Variants in RAB3GAP2 observed in about 807,000 individuals in gnomAD.
The protein encoded by RAB3GAP2 is RAB3 GTPase activating non-catalytic protein subunit 2, also known as rab3 GTPase-activating protein non-catalytic subunit.
A neutral mutation model predicts 185.3 loss-of-function variants in RAB3GAP2; 87 were observed. The ratio of observed to expected loss-of-function variants is 0.47; its 90% CI spans 0.39 to 0.56. RAB3GAP2 has a LOEUF of 0.56. Ranked by LOEUF, RAB3GAP2 falls within the 20% of genes least tolerant of loss-of-function variation. RAB3GAP2 has a pLI of 0.00. For synonymous variants in RAB3GAP2, 554 were observed against 576.1 expected (o/e 0.96, Z 0.55); for missense variants, 1,492 against 1,638.2 (o/e 0.91, Z 1.54).
At position 220,232,806 on chromosome 1, in the gene RAB3GAP2, T is replaced by C. The variant is rs111859466; in HGVS notation, c.173A>G (p.Gln58Arg). 2.5e-6 allele frequency: 4 copies of C among 1,613,172 alleles called. No individual in the cohort carries two copies. The highest frequency in any genetic ancestry group is 2.5e-6 in the Non-Finnish European group (3 of 1,179,164). The change falls in exon 2 of 35, where the codon CAA becomes CGA. Residue 58 changes from glutamine to arginine, a missense_variant. Gln to Arg is a conservative substitution (Grantham distance 43). This residue lies in a region of RAB3GAP2 where 177 missense variants were observed against 160.6 expected (regional missense o/e 1.10). Transcript: ENST00000358951. ...GWGAWEENEP[Q>R]EPEEEGNTCK... is the part of the protein sequence containing the mutation. ...ATATTTGTAAAGACTTACAGGTTCT[T>C]GTGGTTCATTTTCTTCCCATGCTCC... is the stretch of plus-strand genomic sequence containing the variant.
rs75244681 is a variant in RAB3GAP2, at chr1:220,178,309, C to T, written c.2310+3948G>A. On this transcript the variant is annotated intron_variant, in intron 21 of 34. Coordinates refer to ENST00000358951, the MANE Select transcript of RAB3GAP2 (RefSeq NM_012414.4). ...TAAGAAATGTGTGATTTCTTAGACACTAAAGGGAGTTCTCCAAACTGAAAG... is the reference window on the plus strand; with the variant it reads ...TAAGAAATGTGTGATTTCTTAGACATTAAAGGGAGTTCTCCAAACTGAAAG... 9.5e-4 allele frequency among the ~76,000 whole-genome samples: 145 copies of T among 152,258 alleles called. No homozygotes were observed. In the East Asian group the frequency reaches 0.023, roughly 24 times the overall value.
In RAB3GAP2 at chr1:220,232,836, C is replaced by G. The variant is rs776342795; in HGVS notation, c.143G>C (p.Gly48Ala). The part of the protein sequence containing the change: ...PSKSTDWEDD[G>A]WGAWEENEPQ... ...TTCATTTTCTTCCCATGCTCCCCAA[C>G]CATCATCTTCCCAGTCTGTTGATTT... The change falls in exon 2 of 35, where the codon GGT (glycine) becomes GCT (alanine). Residue 48 changes from glycine (G) to alanine (A), a missense_variant. Gly to Ala is a moderately conservative substitution (Grantham distance 60). Around this residue, in one of 5 missense-constraint regions of RAB3GAP2, gnomAD observed 177 missense variants for 160.6 expected, o/e 1.10. Transcript: ENST00000358951. The G allele has an allele frequency of 6.2e-7, 1 of 1,613,882 alleles. No homozygotes were observed. Among genetic ancestry groups the G allele is most frequent in the Non-Finnish European group, 8.5e-7 (1 of 1,179,840 alleles).
intron 33 of RAB3GAP2, 87 bp downstream of exon 33, chr1:220,153,098 G>C: frequency 2.0e-6 from 2 of 984,768 alleles, no homozygotes; most frequent in South Asian, 2.6e-5. Context: ...AAGAGCAAAA[G>C]GCTTCATTGG....
At chr1:220,204,266 T>A (rs1240888664) in intron 8 of RAB3GAP2, among the ~76,000 whole-genome samples, 1 of 152,166 alleles carries the variant, frequency 6.6e-6, no homozygotes, top group Middle Eastern at 3.2e-3. Context: ...TTCTAGTAAA[T>A]GCTTTTTTAC....
intron 2 of RAB3GAP2, among the ~76,000 whole-genome samples, chr1:220,228,396 T>C (rs936372622): frequency 6.6e-5 from 10 of 152,204 alleles, no homozygotes; most frequent in African/African-American, 2.4e-4. Flanking sequence ...TGAGTAGATT[T>C]CTAATAGTCC....
At chr1:220,270,702 A>G (rs1660318610) in intron 1 of RAB3GAP2, among the ~76,000 whole-genome samples, 2 of 152,186 alleles carry the variant, frequency 1.3e-5, no homozygotes, top group South Asian at 4.1e-4. Context: ...GGATTACTGG[A>G]AGAGCTTCCC....
chr1:220,174,049 G>T (rs1464863706), intron 21 of RAB3GAP2, among the ~76,000 whole-genome samples: 1 of 135,884 alleles, frequency 7.4e-6, no homozygotes, highest in African/African-American at 2.7e-5. Flanking sequence ...GAAAAGAAAA[G>T]AACTAAAATT....
chr1:220,227,877 A>G (rs141245697), intron 2 of RAB3GAP2, among the ~76,000 whole-genome samples: 2 of 152,218 alleles, frequency 1.3e-5, no homozygotes, highest in East Asian at 1.9e-4. Flanking sequence ...TTAGTCTCCA[A>G]AGTAGCTGGG....
chr1:220,159,301 C>T, intron 29 of RAB3GAP2, 85 bp downstream of exon 29: 1 of 1,147,698 alleles, frequency 8.7e-7, no homozygotes, highest in Non-Finnish European at 1.3e-6. Context: ...TGATAAAAGG[C>T]AAAGTTCACC....
chr1:220,218,608 A>G (rs1359107683), intron 2 of RAB3GAP2, among the ~76,000 whole-genome samples: 1 of 152,042 alleles, frequency 6.6e-6, no homozygotes, highest in African/African-American at 2.4e-5. Context: ...GAGTCAGGGG[A>G]GGGATAGCAT....
chr1:220,166,299 C>G (rs1274376676), intron 26 of RAB3GAP2, among the ~76,000 whole-genome samples: 1 of 152,134 alleles, frequency 6.6e-6, no homozygotes, highest in African/African-American at 2.4e-5. Context: ...AATATATTAG[C>G]ATGAATTAGT....
At position 220,193,322 on chromosome 1, in the gene RAB3GAP2, G is replaced by T. The variant is rs1299882290; in HGVS notation, c.1188C>A (p.Asn396Lys). 1 of 1,613,944 alleles carries T rather than the reference G, an allele frequency of 6.2e-7. No individual in the cohort carries two copies. The change falls in exon 13 of 35, where the codon AAC becomes AAA. Residue 396 changes from asparagine to lysine, a missense_variant. This residue lies in a region of RAB3GAP2 where 681 missense variants were observed against 689.1 expected (regional missense o/e 0.99). Coordinates refer to ENST00000358951, the MANE Select transcript of RAB3GAP2 (RefSeq NM_012414.4). ...HGESICLSPC[N>K]TLAAVTDDFG... ...AATCATCTGTTACTGCTGCCAGTGT[G>T]TTACATGGAGACAGACATATGCTTT...
chr1:220,253,929 T>A, intron 1 of RAB3GAP2: 1 of 1,613,500 alleles, frequency 6.2e-7, no homozygotes, highest in Non-Finnish European at 8.5e-7. Flanking sequence ...CACCTGGAAA[T>A]GGAGATGGTG....
chr1:220,189,496 G>A (rs1658571012), intron 17 of RAB3GAP2, among the ~76,000 whole-genome samples: 1 of 146,372 alleles, frequency 6.8e-6, no homozygotes, highest in African/African-American at 2.5e-5. Context: ...TAGGATTACA[G>A]TTACAGGCAT....
At chr1:220,191,452 A>G (rs12742480) in intron 13 of RAB3GAP2, among the ~76,000 whole-genome samples, 168 bp from the exon 14 acceptor site, 2 of 152,110 alleles carry the variant, frequency 1.3e-5, no homozygotes, top group African/African-American at 4.8e-5. Context: ...ATAAATAATA[A>G]CCAGTCTATC....
At chr1:220,210,593 T>C (rs1659062977) in intron 6 of RAB3GAP2, 104 bp from the exon 7 acceptor site, 2 of 1,027,282 alleles carry the variant, frequency 1.9e-6, no homozygotes, top group African/African-American at 1.6e-5. Context: ...TTTCCAGAGA[T>C]ACCAGGTACA....
chr1:220,151,685 A>G lies in RAB3GAP2; in HGVS notation c.3947T>C (p.Leu1316Pro). ...TCCTTCTTTTGTCTGGGTGTGGAGA[A>G]GCGCATGAGCCAGCCTTTGCCCCGT... Reference protein sequence around the residue: ...VLTGQRLAHALLHTQTKEGME... With the variant: ...VLTGQRLAHAPLHTQTKEGME... The change falls in exon 34 of 35, where the codon CTT becomes CCT. Residue 1316 changes from leucine to proline, a missense_variant. Leu to Pro is a moderately conservative substitution (Grantham distance 98). Coordinates refer to ENST00000358951, the MANE Select transcript of RAB3GAP2 (RefSeq NM_012414.4). The G allele has an allele frequency of 6.2e-7, 1 of 1,611,250 alleles. No homozygotes were observed. Among genetic ancestry groups the G allele is most frequent in the Non-Finnish European group, 8.5e-7 (1 of 1,177,380 alleles).
intron 19 of RAB3GAP2, among the ~76,000 whole-genome samples, chr1:220,183,605 A>T (rs1658453934): frequency 6.6e-6 from 1 of 152,196 alleles, no homozygotes; most frequent in Non-Finnish European, 1.5e-5. Context: ...AAAAAAATTT[A>T]AAAGGGTGTC....
At chr1:220,156,935 A>G (rs561874055) in intron 31 of RAB3GAP2, among the ~76,000 whole-genome samples, 3 of 152,242 alleles carry the variant, frequency 2.0e-5, no homozygotes, top group Admixed American at 6.5e-5. Flanking sequence ...CTGAAGTCCT[A>G]TAAGACACTC....
Sources: allele counts gnomAD v4.1 joint callset (sites outside exome capture counted in the v4.1 genomes callset), GRCh38; gene constraint gnomAD v4.1.1; regional missense constraint gnomAD v4.1.1; transcripts MANE v1.5; gene names NCBI Gene and HGNC (gene_info 2026-07-23, HGNC 2026-07-21).